Variants in PRSS23 observed in about 807,000 individuals in gnomAD.
The protein encoded by PRSS23 is protease, serine 23.
In PRSS23, 25 loss-of-function variants were observed where a neutral mutation model predicts 34.7. That is an observed-to-expected ratio of 0.72 (90% CI 0.53 to 1.01). PRSS23 has a LOEUF of 1.01. PRSS23 is among the 50% of genes least tolerant of loss of function. The pLI is 0.00. For missense variants in PRSS23, 445 were observed against 475.6 expected, an observed-to-expected ratio of 0.94 and a Z score of 0.60; for synonymous variants, 176 against 186.6, an observed-to-expected ratio of 0.94 and a Z score of 0.46.
intron 2 of PRSS23, among the ~76,000 whole-genome samples, chr11:86,893,752 G>C (rs1400996304): frequency 6.6e-6 from 1 of 151,982 alleles, no homozygotes; most frequent in Admixed American, 6.6e-5. Flanking sequence ...TTAAATAAAG[G>C]TAAATTATTT....
At chr11:86,908,474 C>A (rs982117072) in intron 2 of PRSS23, among the ~76,000 whole-genome samples, 4 of 152,186 alleles carry the variant, frequency 2.6e-5, no homozygotes, top group Admixed American at 6.5e-5. Context: ...CAGGGAGGAA[C>A]AGGAGGAAAT....
chr11:86,879,469 A>ACCC (rs1948753394), intron 2 of PRSS23, among the ~76,000 whole-genome samples: 2 of 140,564 alleles, frequency 1.4e-5, no homozygotes, highest in African/African-American at 5.4e-5. Flanking sequence ...AGCCCCCGCC[A>ACCC]GGCCAGCCGC....
chr11:86,850,656 C>G (rs913232017), intron 2 of PRSS23, among the ~76,000 whole-genome samples: 1 of 152,160 alleles, frequency 6.6e-6, no homozygotes, highest in Non-Finnish European at 1.5e-5. Flanking sequence ...CTTCCCCCTC[C>G]CCTGAAACTA....
intron 1 of PRSS23, among the ~76,000 whole-genome samples, chr11:86,806,404 G>A (rs996170559): frequency 3.3e-5 from 5 of 152,184 alleles, no homozygotes; most frequent in African/African-American, 1.2e-4. Context: ...TGTTCATTTA[G>A]AGGGTAAATT....
At chr11:86,867,520 C>G (rs1224404540) in intron 2 of PRSS23, among the ~76,000 whole-genome samples, 1 of 152,162 alleles carries the variant, frequency 6.6e-6, no homozygotes, top group Non-Finnish European at 1.5e-5. Context: ...TACTCTTCTC[C>G]CAACTTTCTT....
At chr11:86,852,101 C>T (rs2134919773) in intron 2 of PRSS23, among the ~76,000 whole-genome samples, 1 of 152,324 alleles carries the variant, frequency 6.6e-6, no homozygotes, top group Middle Eastern at 3.4e-3. Flanking sequence ...ACTCACTGAA[C>T]TGCCCCTCCC....
At chr11:86,832,305 G>C (rs1948364387) in intron 2 of PRSS23, among the ~76,000 whole-genome samples, 1 of 151,978 alleles carries the variant, frequency 6.6e-6, no homozygotes, top group African/African-American at 2.4e-5. Context: ...TGTACACCTG[G>C]GGATATTTTT....
At chr11:86,938,157 G>C (rs144251546) in intron 2 of PRSS23, among the ~76,000 whole-genome samples, 2 of 152,100 alleles carry the variant, frequency 1.3e-5, no homozygotes, top group African/African-American at 4.8e-5. Context: ...AACATTTGTC[G>C]AGCACCCGAA....
chr11:86,792,188 G>A (rs1249187006), intron 1 of PRSS23, among the ~76,000 whole-genome samples: 2 of 151,298 alleles, frequency 1.3e-5, no homozygotes, highest in African/African-American at 2.4e-5. Context: ...AGCTGACTTT[G>A]GTAGGCCTCG....
chr11:86,845,182 T>C (rs1244826785), intron 2 of PRSS23, among the ~76,000 whole-genome samples: 2 of 151,964 alleles, frequency 1.3e-5, no homozygotes, highest in East Asian at 1.9e-4. Context: ...ATAATTAACA[T>C]AGATTTTTAC....
chr11:86,829,301 C>G (rs142955205), intron 2 of PRSS23, among the ~76,000 whole-genome samples: 5,117 of 152,204 alleles, frequency 0.034, 195 homozygotes, highest in East Asian at 0.17. Context: ...CCTGAGGCTT[C>G]TGCATTCTTC....
intron 2 of PRSS23, among the ~76,000 whole-genome samples, chr11:86,827,717 G>T (rs1191909639): frequency 6.6e-6 from 1 of 151,642 alleles, no homozygotes; most frequent in Admixed American, 6.6e-5. Flanking sequence ...TGGTTTCAAA[G>T]AACAACTTTA....
At position 86,924,516 on chromosome 11, in the gene PRSS23, C is replaced by T. The variant is rs371228746; in HGVS notation, c.207-26700C>T. Among the ~76,000 whole-genome samples the T allele has an allele frequency of 2.0e-4, 31 of 152,274 alleles. No homozygotes were observed. The East Asian group carries it at 4.6e-3, about 23-fold the overall frequency. On this transcript the variant is annotated intron_variant, in intron 2 of 2. Coordinates refer to the PRSS23 transcript ENST00000533902. ...ATAAGATACTGCGCTTGCATTGGAG[C>T]CAAACTGGAAAATGCGAACTGGACT...
chr11:86,846,597 G>T (rs993976144), intron 2 of PRSS23, among the ~76,000 whole-genome samples: 1 of 152,120 alleles, frequency 6.6e-6, no homozygotes, highest in East Asian at 1.9e-4. Context: ...CCTGCCAGAG[G>T]CTCCCCCTGC....
intron 2 of PRSS23, among the ~76,000 whole-genome samples, chr11:86,923,209 G>A (rs1018583289): frequency 1.3e-5 from 2 of 148,470 alleles, no homozygotes; most frequent in Non-Finnish European, 3.0e-5. Flanking sequence ...CTGCAACCTC[G>A]AACTCCTGGG....
At chr11:86,888,571 G>C (rs1385561776) in intron 2 of PRSS23, among the ~76,000 whole-genome samples, 1 of 152,174 alleles carries the variant, frequency 6.6e-6, no homozygotes, top group African/African-American at 2.4e-5. Context: ...GTGTTCGGTG[G>C]AGTTACATGT....
intron 2 of PRSS23, among the ~76,000 whole-genome samples, chr11:86,838,162 T>C (rs1036399603): frequency 5.3e-4 from 80 of 152,236 alleles, no homozygotes; most frequent in Non-Finnish European, 2.1e-4. Context: ...AAATTTGATC[T>C]GCATTGACAC....
At chr11:86,807,504 C>A in intron 1 of PRSS23, 127 bp from the exon 2 acceptor site, 1 of 914,634 alleles carries the variant, frequency 1.1e-6, no homozygotes, top group Non-Finnish European at 1.7e-6. Context: ...TTCCTCTCCA[C>A]ACCCTGATTC....
chr11:86,893,494 C>G (rs1455902444), intron 2 of PRSS23, among the ~76,000 whole-genome samples: 1 of 152,264 alleles, frequency 6.6e-6, no homozygotes, highest in East Asian at 1.9e-4. Flanking sequence ...TCTGCTATGT[C>G]TCTCATTAAG....
Sources: gnomAD v4.1 joint callset for allele counts (sites outside exome capture counted in the v4.1 genomes callset) on GRCh38, gnomAD v4.1.1 for gene constraint, MANE v1.5 for transcripts, NCBI Gene and HGNC (gene_info 2026-07-23, HGNC 2026-07-21) for gene names.